SEZ6L: variants seen among roughly 807,000 people sequenced by gnomAD.
The protein encoded by SEZ6L is seizure related 6 homolog like.
SEZ6L carries 37 observed loss-of-function variants against 106.2 expected under a neutral mutation model. The observed-to-expected ratio is 0.35, with a 90% confidence interval of 0.27 to 0.46. The LOEUF is 0.46. SEZ6L is among the 20% of genes least tolerant of loss of function. The pLI, the probability that SEZ6L is intolerant of heterozygous loss-of-function variation, is 1.00. For synonymous variants in SEZ6L, 541 were observed against 570.4 expected (o/e 0.95, Z 0.73); for missense variants, 1,172 against 1,332.8 (o/e 0.88, Z 1.88).
At chr22:26,366,035 A>G (rs1433405940) in intron 13 of SEZ6L, among the ~76,000 whole-genome samples, 1 of 152,210 alleles carries the variant, frequency 6.6e-6, no homozygotes, top group Non-Finnish European at 1.5e-5. Flanking sequence ...ATTTTTACTT[A>G]CTAAAGGAGC....
Position 26,297,056 on chromosome 22 carries a change from G to T in SEZ6L, c.1138G>T (p.Gly380Trp). 1.2e-6 allele frequency: 2 copies of T among 1,613,196 alleles called. No individual in the cohort carries two copies. The highest frequency in any genetic ancestry group is 1.7e-6 in the Non-Finnish European group (2 of 1,179,542). The stretch of plus-strand genomic sequence containing the variant: ...CCGGACCTTCCAGGACGACGGCCTT[G>T]GGACCTTCCAGCTTCACTACCAGGG... ...YFRTFQDDGL[G>W]TFQLHYQAFM... The change falls in exon 4 of 17, where the codon GGG becomes TGG. Residue 380 changes from glycine to tryptophan, a missense_variant. Around this residue, in one of 4 missense-constraint regions of SEZ6L, gnomAD observed 534 missense variants for 691.0 expected, o/e 0.77. Transcript: ENST00000248933.
At chr22:26,287,827 G>A (rs909742) in intron 1 of SEZ6L, among the ~76,000 whole-genome samples, 67,157 of 152,034 alleles carry the variant, frequency 0.44, 16,249 homozygotes, top group Non-Finnish European at 0.56. Context: ...GGAGCCAGCT[G>A]GCAAGATCCA....
chr22:26,291,986 A>AGGAG (rs1375718983), intron 1 of SEZ6L, among the ~76,000 whole-genome samples: 17 of 62,554 alleles, frequency 2.7e-4, no homozygotes, highest in Admixed American at 1.9e-3. Context: ...AAAGGAAGGA[A>AGGAG]GGAAGGAAGG....
At chr22:26,202,059 G>T (rs1369039097) in intron 1 of SEZ6L, among the ~76,000 whole-genome samples, 4 of 152,008 alleles carry the variant, frequency 2.6e-5, no homozygotes, top group Admixed American at 2.6e-4. Context: ...GACTACAGGT[G>T]CCCGCCATCA....
At chr22:26,281,978 T>C (rs1402840880) in intron 1 of SEZ6L, among the ~76,000 whole-genome samples, 1 of 152,254 alleles carries the variant, frequency 6.6e-6, no homozygotes, top group African/African-American at 2.4e-5. Context: ...GGATATTCTG[T>C]AATTGATTTA....
chr22:26,175,222 G>A (rs1310390082), intron 1 of SEZ6L, among the ~76,000 whole-genome samples: 2 of 152,182 alleles, frequency 1.3e-5, no homozygotes, highest in Non-Finnish European at 2.9e-5. Context: ...AGTAAAGCTG[G>A]TCAAATTGAA....
chr22:26,324,277 G>A (rs572784678), intron 9 of SEZ6L, among the ~76,000 whole-genome samples: 14 of 152,230 alleles, frequency 9.2e-5, no homozygotes, highest in South Asian at 2.1e-4. Flanking sequence ...AGGCTCCAGC[G>A]TGCCTTCCTT....
At chr22:26,172,488 C>T (rs1938691729) in intron 1 of SEZ6L, among the ~76,000 whole-genome samples, 1 of 151,908 alleles carries the variant, frequency 6.6e-6, no homozygotes, top group Admixed American at 6.6e-5. Flanking sequence ...CAAGTCCATT[C>T]CTGCAAGCTG....
intron 13 of SEZ6L, among the ~76,000 whole-genome samples, chr22:26,370,316 C>T (rs550768654): frequency 1.3e-4 from 20 of 151,832 alleles, no homozygotes; most frequent in Admixed American, 5.3e-4. Flanking sequence ...ACGTGGGAGG[C>T]GGAGCTTGCG....
intron 3 of SEZ6L, 139 bp from the exon 4 acceptor site, chr22:26,296,749 C>T (rs577464091): frequency 2.9e-5 from 18 of 627,234 alleles, no homozygotes; most frequent in South Asian, 4.3e-5. Flanking sequence ...CCTGTGGGCT[C>T]GGCATGGGGC....
chr22:26,236,041 G>GC (rs1250832285), intron 1 of SEZ6L, among the ~76,000 whole-genome samples: 18 of 152,188 alleles, frequency 1.2e-4, no homozygotes, highest in Admixed American at 1.2e-3. Context: ...GTTGGATCTT[G>GC]CCCCCCTGTC....
chr22:26,361,400 G>A (rs1210937637), intron 12 of SEZ6L, among the ~76,000 whole-genome samples: 3 of 150,202 alleles, frequency 2.0e-5, no homozygotes, highest in Admixed American at 6.6e-5. Flanking sequence ...CCAGCTACTC[G>A]GGAGGCTGAG....
intron 9 of SEZ6L, among the ~76,000 whole-genome samples, chr22:26,329,446 T>C (rs548789410): frequency 1.3e-4 from 20 of 152,190 alleles, no homozygotes; most frequent in Admixed American, 7.2e-4. Flanking sequence ...CCAGCCTGGA[T>C]GACAGAGTGA....
At chr22:26,232,580 T>C (rs2078836134) in intron 1 of SEZ6L, among the ~76,000 whole-genome samples, 1 of 152,218 alleles carries the variant, frequency 6.6e-6, no homozygotes, top group East Asian at 1.9e-4. Context: ...ACCTTTTTCA[T>C]GATCCGATAC....
intron 1 of SEZ6L, among the ~76,000 whole-genome samples, chr22:26,224,022 T>C (rs898141694): frequency 6.6e-6 from 1 of 152,128 alleles, no homozygotes; most frequent in African/African-American, 2.4e-5. Flanking sequence ...CATCAAGGGA[T>C]CAATGGTGGA....
chr22:26,338,836 G>A (rs985337055), intron 9 of SEZ6L, among the ~76,000 whole-genome samples: 44 of 134,270 alleles, frequency 3.3e-4, no homozygotes, highest in African/African-American at 1.1e-3. Flanking sequence ...GATTATAGGC[G>A]TGAGCCACCA....
At chr22:26,375,405 AC>A (rs1355193076) in intron 14 of SEZ6L, among the ~76,000 whole-genome samples, 169 bp from the exon 15 acceptor site, 1 of 152,006 alleles carries the variant, frequency 6.6e-6, no homozygotes, top group Non-Finnish European at 1.5e-5. Context: ...CTTGCAAAGG[AC>A]CACCACCATT....
At chr22:26,312,067 C>T in intron 8 of SEZ6L, 105 bp downstream of exon 8, 1 of 1,140,526 alleles carries the variant, frequency 8.8e-7, no homozygotes, top group South Asian at 1.5e-5. Context: ...GTTTTCATAC[C>T]AACTTTAGGA....
chr22:26,251,481 C>G (rs1474944815), intron 1 of SEZ6L, among the ~76,000 whole-genome samples: 3 of 152,154 alleles, frequency 2.0e-5, no homozygotes, highest in African/African-American at 7.2e-5. Context: ...ATTAAAGCAT[C>G]AGCAAGTGCT....
Sources: gnomAD v4.1 joint callset for allele counts (sites outside exome capture counted in the v4.1 genomes callset) on GRCh38, gnomAD v4.1.1 for gene constraint, gnomAD v4.1.1 regional missense constraint, MANE v1.5 for transcripts, NCBI Gene and HGNC (gene_info 2026-07-23, HGNC 2026-07-21) for gene names.